The following LASP1 variants were observed in gnomAD, a reference collection of about 807,000 sequenced individuals.
LASP1 encodes LIM and SH3 protein 1, also known as LIM and SH3 domain protein 1.
A neutral mutation model predicts 38.6 loss-of-function variants in LASP1; 10 were observed. The ratio of observed to expected loss-of-function variants is 0.26; its 90% CI spans 0.16 to 0.44. LASP1 has a LOEUF of 0.44. LASP1 is among the 20% of genes least tolerant of loss of function. The pLI is 1.00. For missense variants in LASP1, 243 were observed against 375.7 expected (o/e 0.65, Z 2.92); for synonymous variants, 132 against 140.8 (o/e 0.94, Z 0.44).
intron 4 of LASP1, among the ~76,000 whole-genome samples, chr17:38,908,985 C>T (rs2143813290): frequency 6.6e-6 from 1 of 152,300 alleles, no homozygotes; most frequent in African/African-American, 2.4e-5. Flanking sequence ...TGCCTCTCCT[C>T]CTCTTCCCAC....
chr17:38,912,367 CAGGGCCAGGGTGCCACAGGGTCAGGGT>C (rs1401710213), intron 4 of LASP1, among the ~76,000 whole-genome samples: 1 of 152,006 alleles, frequency 6.6e-6, no homozygotes, highest in East Asian at 1.9e-4. Context: ...CAGATTGCCA[CAGGGCCAGGGTGCCACAGGGTCAGGGT>C]AGGGCCAGGG....
intron 6 of LASP1, chr17:38,916,556 T>C (rs975971834): frequency 2.5e-5 from 3 of 121,946 alleles, no homozygotes; most frequent in African/African-American, 9.6e-5. Flanking sequence ...GACAGAGCAA[T>C]ATCTCCAAAG....
rs922520974 is a variant in LASP1, at chr17:38,880,906, T to A, written c.164+2726T>A. The stretch of plus-strand genomic sequence containing the variant: ...GGATCACTTAAGGTCAGGAGTTCTA[T>A]CAGCCTGGCCAACATGGTGAAACTC... On this transcript the variant is annotated intron_variant, in intron 2 of 6. Transcript: ENST00000318008. 2.6e-5 allele frequency among the ~76,000 whole-genome samples: 4 copies of A among 152,060 alleles called. No individual in the cohort carries two copies. The East Asian group carries it at 5.8e-4, about 22-fold the overall frequency.
intron 4 of LASP1, among the ~76,000 whole-genome samples, chr17:38,912,654 G>T (rs1441476471): frequency 1.3e-5 from 2 of 152,168 alleles, no homozygotes; most frequent in African/African-American, 4.8e-5. Flanking sequence ...GGAGGAAAGG[G>T]CTTGTGTCTG....
rs1173279377 is a variant in LASP1, at chr17:38,913,604, AGCACGGCCCTGGC to A, written c.358-717_358-705del. Among the ~76,000 whole-genome samples, 8 of 152,324 alleles carry A rather than the reference AGCACGGCCCTGGC, an allele frequency of 5.3e-5. 1 individual carries two copies. In the East Asian group the frequency reaches 1.5e-3, roughly 29 times the overall value. The stretch of plus-strand genomic sequence containing the variant: ...CATGAGCCTGTGACATAAAACACCT[AGCACGGCCCTGGC>A]GCAGTAAGAGCTCAGGAAACGGGCT... On this transcript the variant is annotated intron_variant, in intron 4 of 6. Transcript: ENST00000318008.
At chr17:38,891,980 T>C (rs1259121335) in intron 3 of LASP1, among the ~76,000 whole-genome samples, 1 of 151,212 alleles carries the variant, frequency 6.6e-6, no homozygotes, top group Non-Finnish European at 1.5e-5. Flanking sequence ...TCGTAGCTAC[T>C]TGGGAGTTTG....
At chr17:38,915,420 C>T in intron 6 of LASP1, 1 of 334,626 alleles carries the variant, frequency 3.0e-6, no homozygotes, top group South Asian at 4.2e-5. Context: ...TGGGAACACA[C>T]AAGGCAACTT....
At chr17:38,913,992 ACTCCGTCT>A (rs2143825800) in intron 4 of LASP1, among the ~76,000 whole-genome samples, 1 of 146,126 alleles carries the variant, frequency 6.8e-6, no homozygotes, top group South Asian at 2.2e-4. Flanking sequence ...ACAGAGCCAA[ACTCCGTCT>A]CGAAAAAAAA....
intron 4 of LASP1, among the ~76,000 whole-genome samples, chr17:38,901,424 G>A (rs1027792503): frequency 2.0e-5 from 3 of 152,264 alleles, no homozygotes; most frequent in African/African-American, 7.2e-5. Context: ...TGCTTTTGCA[G>A]CTTTAGCAGA....
At chr17:38,893,964 G>A (rs1715937012) in intron 3 of LASP1, among the ~76,000 whole-genome samples, 1 of 152,246 alleles carries the variant, frequency 6.6e-6, no homozygotes, top group Non-Finnish European at 1.5e-5. Context: ...CTGGGAAGCT[G>A]CCCAGGCTAT....
At chr17:38,912,925 G>A (rs1276920421) in intron 4 of LASP1, among the ~76,000 whole-genome samples, 1 of 152,176 alleles carries the variant, frequency 6.6e-6, no homozygotes, top group Non-Finnish European at 1.5e-5. Context: ...GGCTGACCCT[G>A]CTTAGGTCTC....
chr17:38,885,453 C>A (rs769552046), intron 2 of LASP1, among the ~76,000 whole-genome samples: 1 of 152,190 alleles, frequency 6.6e-6, no homozygotes, highest in Non-Finnish European at 1.5e-5. Context: ...GTTCCTGCCC[C>A]GCTTCTTCCT....
intron 4 of LASP1, among the ~76,000 whole-genome samples, chr17:38,899,960 C>T (rs951251786): frequency 6.6e-6 from 1 of 151,814 alleles, no homozygotes; most frequent in African/African-American, 2.4e-5. Context: ...GAACACCTGA[C>T]CTCAGGTGAT....
chr17:38,876,340 G>A (rs1333652892), intron 1 of LASP1, among the ~76,000 whole-genome samples: 2 of 146,992 alleles, frequency 1.4e-5, no homozygotes, highest in Non-Finnish European at 3.0e-5. Flanking sequence ...CACCATACCC[G>A]GCCTATTTAT....
At chr17:38,892,547 T>C (rs983028556) in intron 3 of LASP1, among the ~76,000 whole-genome samples, 1 of 128,420 alleles carries the variant, frequency 7.8e-6, no homozygotes, top group African/African-American at 3.3e-5. Context: ...AGCAGGTCTT[T>C]GGAGACACAC....
intron 3 of LASP1, among the ~76,000 whole-genome samples, chr17:38,891,600 G>A (rs1378680340): frequency 6.6e-6 from 1 of 152,126 alleles, no homozygotes; most frequent in Admixed American, 6.6e-5. Flanking sequence ...TGACGATGGA[G>A]GGCTCAGTGC....
At chr17:38,890,273 G>T in intron 2 of LASP1, 147 bp from the exon 3 acceptor site, 1 of 658,450 alleles carries the variant, frequency 1.5e-6, no homozygotes, top group Non-Finnish European at 2.7e-6. Flanking sequence ...CGGCCTTGGT[G>T]GTGGACACTG....
Position 38,914,430 on chromosome 17 carries a change from C to G in LASP1, c.463C>G (p.Pro155Ala), listed in dbSNP as rs771111886. 5 of 1,611,096 alleles carry G rather than the reference C, an allele frequency of 3.1e-6. No homozygotes were observed. Among genetic ancestry groups the G allele is most frequent in the Non-Finnish European group, 3.4e-6 (4 of 1,179,612 alleles). ...DSQDGSSYRR[P>A]LEQQQPHHIP... ...ACAGGACGGCAGCAGCTACCGGCGG[C>G]CCCTGGAGCAGCAGCAGCCTCACCA... The change falls in exon 5 of 7, where the codon CCC becomes GCC. Residue 155 changes from proline to alanine, a missense_variant. Physicochemically the swap from Pro to Ala is conservative, Grantham distance 27 (BLOSUM62 -1). Transcript: ENST00000318008.
At position 38,897,093 on chromosome 17, in the gene LASP1, T is replaced by G. The variant is rs375900147; in HGVS notation, c.250-1319T>G. On this transcript the variant is annotated intron_variant, in intron 3 of 6. Transcript: ENST00000318008. Reference sequence around the variant, plus strand: ...CTAGGCAGGTTCTGGACTCTTGGGGTGGGTTGGTGCCTCTATCCACTGCAT... The same window carrying G: ...CTAGGCAGGTTCTGGACTCTTGGGGGGGGTTGGTGCCTCTATCCACTGCAT... The G allele has an allele frequency of 5.8e-5, 57 of 985,190 alleles. No individual in the cohort carries two copies. The East Asian group carries it at 6.8e-4, about 12-fold the overall frequency. 61.0% of individuals were successfully genotyped at this position (985,190 alleles called of 1,614,324 possible).
Sources: allele counts gnomAD v4.1 joint callset (sites outside exome capture counted in the v4.1 genomes callset), GRCh38; gene constraint gnomAD v4.1.1; transcripts MANE v1.5; gene names NCBI Gene and HGNC (gene_info 2026-07-23, HGNC 2026-07-21).